The following ERC2 variants were observed in gnomAD, a reference collection of about 807,000 sequenced individuals.
ERC2 encodes ERC protein 2.
A neutral mutation model predicts 114.8 loss-of-function variants in ERC2; 42 were observed. That is an observed-to-expected ratio of 0.37 (90% confidence interval 0.29 to 0.47). The LOEUF (loss-of-function observed/expected upper bound fraction) is 0.47, where lower values mean the gene tolerates loss of function less well. ERC2 is among the 20% of genes least tolerant of loss of function. ERC2 has a pLI of 0.99. For synonymous variants in ERC2, 454 were observed against 425.5 expected, an observed-to-expected ratio of 1.07 and a Z score of -0.82; for missense variants, 939 against 1,150.7, an observed-to-expected ratio of 0.82 and a Z score of 2.66.
chr3:56,401,705 A>T (rs2060525897), intron 2 of ERC2, among the ~76,000 whole-genome samples: 1 of 152,210 alleles, frequency 6.6e-6, no homozygotes, highest in Admixed American at 6.5e-5. Context: ...ACTGGAGCTT[A>T]GCCCAGGAGG....
chr3:55,800,871 C>T (rs2070993956), intron 14 of ERC2, among the ~76,000 whole-genome samples: 1 of 152,104 alleles, frequency 6.6e-6, no homozygotes, highest in Non-Finnish European at 1.5e-5. Flanking sequence ...CCCTGGTTCC[C>T]TCCCAGTAAG....
chr3:55,940,999 G>A (rs575663400), intron 13 of ERC2, among the ~76,000 whole-genome samples: 5 of 152,332 alleles, frequency 3.3e-5, no homozygotes, highest in African/African-American at 9.6e-5. Context: ...CTGAGAAACA[G>A]CATCGGCTCT....
At chr3:56,258,724 A>G (rs1032946741) in intron 3 of ERC2, among the ~76,000 whole-genome samples, 20 of 152,294 alleles carry the variant, frequency 1.3e-4, no homozygotes, top group Middle Eastern at 3.4e-3. Flanking sequence ...GATTTGGCCC[A>G]TGGGCTGTAG....
chr3:55,780,853 G>A (rs907468448), intron 14 of ERC2, among the ~76,000 whole-genome samples: 26 of 152,114 alleles, frequency 1.7e-4, no homozygotes, highest in African/African-American at 5.1e-4. Context: ...CTCCCACCAG[G>A]GCATCTGATT....
chr3:55,997,926 T>TTG (rs2071709182), intron 10 of ERC2, among the ~76,000 whole-genome samples: 1 of 67,530 alleles, frequency 1.5e-5, no homozygotes, highest in Admixed American at 1.5e-4. Flanking sequence ...GTGTGTGTTT[T>TTG]TTGTTTTTTT....
intron 2 of ERC2, among the ~76,000 whole-genome samples, chr3:56,351,001 T>G (rs1212545561): frequency 6.6e-6 from 1 of 152,144 alleles, no homozygotes; most frequent in Admixed American, 6.5e-5. Flanking sequence ...GGAAGAGGGA[T>G]AGCCAGAATT....
intron 6 of ERC2, among the ~76,000 whole-genome samples, chr3:56,084,665 T>C (rs1201459000): frequency 6.6e-6 from 1 of 152,178 alleles, no homozygotes; most frequent in East Asian, 1.9e-4. Context: ...GATACACAGA[T>C]GCATGTGAAG....
intron 14 of ERC2, among the ~76,000 whole-genome samples, chr3:55,784,722 A>T (rs1559649533): frequency 6.6e-6 from 1 of 152,150 alleles, no homozygotes; most frequent in Non-Finnish European, 1.5e-5. Flanking sequence ...ATGTAGCTGA[A>T]ATCTTAATTT....
rs188984885 is a variant in ERC2, at chr3:55,978,287, T to A, written c.2267+7690A>T. Among the ~76,000 whole-genome samples the A allele has an allele frequency of 2.6e-5, 4 of 152,346 alleles. No homozygotes were observed. In the East Asian group the frequency reaches 7.7e-4, roughly 29 times the overall value. On this transcript the variant is annotated intron_variant, in intron 12 of 17. Coordinates refer to ENST00000288221, the MANE Select transcript of ERC2 (RefSeq NM_015576.3). The stretch of plus-strand genomic sequence containing the variant: ...TTATATAGGACAAACAAGGATTGTA[T>A]GAATTAGTTTACATATTTATATATA...
intron 15 of ERC2, among the ~76,000 whole-genome samples, chr3:55,714,635 A>G (rs904747833): frequency 9.3e-6 from 1 of 107,122 alleles, no homozygotes; most frequent in Non-Finnish European, 1.8e-5. Context: ...ATGGGTTTGT[A>G]TATATGTGTG....
At chr3:56,295,968 T>G (rs966841495) in intron 3 of ERC2, 51 bp downstream of exon 3, 1 of 1,499,412 alleles carries the variant, frequency 6.7e-7, no homozygotes, top group Non-Finnish European at 8.9e-7. Flanking sequence ...CTTGATAACA[T>G]ATTTTCACTT....
At chr3:55,878,377 A>G (rs908872622) in intron 14 of ERC2, among the ~76,000 whole-genome samples, 1 of 152,062 alleles carries the variant, frequency 6.6e-6, no homozygotes, top group Non-Finnish European at 1.5e-5. Context: ...GCCTTCTCCA[A>G]CTAGTTCTCC....
intron 1 of ERC2, among the ~76,000 whole-genome samples, chr3:56,464,811 T>C (rs2063467466): frequency 6.6e-6 from 1 of 151,756 alleles, no homozygotes; most frequent in Admixed American, 6.6e-5. Flanking sequence ...AAACTGAAAC[T>C]GTTGGCTGGC....
intron 15 of ERC2, among the ~76,000 whole-genome samples, chr3:55,727,097 C>T (rs1434943622): frequency 2.0e-5 from 3 of 152,086 alleles, no homozygotes; most frequent in African/African-American, 7.2e-5. Flanking sequence ...CTTCAAAAAC[C>T]CCTTAGTAGC....
intron 6 of ERC2, among the ~76,000 whole-genome samples, chr3:56,116,635 C>T (rs1560199976): frequency 6.6e-6 from 1 of 152,230 alleles, no homozygotes; most frequent in Non-Finnish European, 1.5e-5. Context: ...TCCCTGAGCA[C>T]ACACTTCACT....
At chr3:55,588,816 T>G (rs550046712) in intron 17 of ERC2, among the ~76,000 whole-genome samples, 1 of 152,202 alleles carries the variant, frequency 6.6e-6, no homozygotes, top group East Asian at 1.9e-4. Flanking sequence ...AGTTTTTAGT[T>G]TGAGTTCAAG....
intron 17 of ERC2, among the ~76,000 whole-genome samples, chr3:55,602,515 A>T (rs1257776858): frequency 6.6e-6 from 1 of 152,220 alleles, no homozygotes. Flanking sequence ...AGGACAGTGC[A>T]TCTACTATTA....
At chr3:55,567,242 A>G (rs1472313408) in intron 17 of ERC2, among the ~76,000 whole-genome samples, 1 of 152,160 alleles carries the variant, frequency 6.6e-6, no homozygotes, top group East Asian at 1.9e-4. Flanking sequence ...TGTGAGTTGG[A>G]GAAACTGCTT....
At chr3:56,087,464 C>T (rs1314819587) in intron 6 of ERC2, among the ~76,000 whole-genome samples, 1 of 152,052 alleles carries the variant, frequency 6.6e-6, no homozygotes, top group East Asian at 1.9e-4. Context: ...GACCTTTCTG[C>T]CGTATTTTAT....
Sources: allele counts gnomAD v4.1 joint callset (sites outside exome capture counted in the v4.1 genomes callset), GRCh38; gene constraint gnomAD v4.1.1; transcripts MANE v1.5; gene names NCBI Gene and HGNC (gene_info 2026-07-23, HGNC 2026-07-21).